Variants in TBC1D32 observed in about 807,000 individuals in gnomAD.
TBC1D32 encodes the protein protein broad-minded.
TBC1D32 carries 151 observed loss-of-function variants against 170.3 expected under a neutral mutation model. The observed-to-expected ratio is 0.89, with a 90% CI of 0.78 to 1.01. The LOEUF is 1.01. TBC1D32 is among the 50% of genes least tolerant of loss of function. TBC1D32 has a pLI of 0.00. For synonymous variants in TBC1D32, 498 were observed against 488.0 expected, an observed-to-expected ratio of 1.02 and a Z score of -0.27; for missense variants, 1,464 against 1,457.1, an observed-to-expected ratio of 1.00 and a Z score of -0.08.
At chr6:121,144,721 A>C (rs553631017) in intron 24 of TBC1D32, among the ~76,000 whole-genome samples, 2 of 152,140 alleles carry the variant, frequency 1.3e-5, no homozygotes, top group Admixed American at 6.5e-5. Flanking sequence ...AGAGATATAA[A>C]TCTGAGAGCC....
rs758477548 is a variant in TBC1D32 at position 121,080,773 on chromosome 6, A to C, written c.3772T>G (p.Ter1258GluextTer7). The change falls in exon 32 of 32, where the codon TAG becomes GAG. Residue 1258 changes from the stop codon to glutamate, a stop_lost. Transcript: ENST00000398212. Reference protein sequence around the residue: ...DMRNIRLQST* With the variant: ...DMRNIRLQSTE Reference sequence around the variant, plus strand: ...ATTTAAACCGTGTGTCTCATGATCTATGTGCTCTGCAGTCTAATGTTCCGC... The same window carrying C: ...ATTTAAACCGTGTGTCTCATGATCTCTGTGCTCTGCAGTCTAATGTTCCGC... 6.2e-7 allele frequency: 1 copy of C among 1,610,962 alleles called. No individual in the cohort carries two copies.
At chr6:121,090,821 C>T in intron 31 of TBC1D32, 32 bp downstream of exon 31, 1 of 1,580,790 alleles carries the variant, frequency 6.3e-7, no homozygotes, top group Non-Finnish European at 8.6e-7. Flanking sequence ...GCTATTAACT[C>T]AACATTTTCC....
intron 29 of TBC1D32, among the ~76,000 whole-genome samples, chr6:121,111,498 G>T (rs1011983914): frequency 6.6e-6 from 1 of 152,112 alleles, no homozygotes; most frequent in Non-Finnish European, 1.5e-5. Context: ...CAGTTTAAAG[G>T]AATAGAATTA....
chr6:121,112,993 T>C, intron 28 of TBC1D32, 69 bp downstream of exon 28: 1 of 1,139,230 alleles, frequency 8.8e-7, no homozygotes, highest in Non-Finnish European at 1.3e-6. Context: ...TGTCAAGGTA[T>C]ATCATCAAAG....
intron 3 of TBC1D32, among the ~76,000 whole-genome samples, chr6:121,317,259 A>G (rs539981435): frequency 1.7e-3 from 260 of 152,248 alleles, no homozygotes; most frequent in African/African-American, 5.9e-3. Flanking sequence ...ATTCTAACAT[A>G]CATTAATTTT....
chr6:121,286,313 A>C (rs1373575385), intron 12 of TBC1D32, among the ~76,000 whole-genome samples: 1 of 152,216 alleles, frequency 6.6e-6, no homozygotes, highest in Non-Finnish European at 1.5e-5. Context: ...GGAGCTGAAA[A>C]CCAATGCACG....
chr6:121,111,978 T>C (rs1233090343), intron 29 of TBC1D32, among the ~76,000 whole-genome samples: 4 of 152,152 alleles, frequency 2.6e-5, no homozygotes, highest in African/African-American at 7.2e-5. Flanking sequence ...TATAAATTGA[T>C]TGAAGGATAT....
At chr6:121,161,321 G>A (rs916219929) in intron 22 of TBC1D32, among the ~76,000 whole-genome samples, 1 of 152,100 alleles carries the variant, frequency 6.6e-6, no homozygotes, top group African/African-American at 2.4e-5. Flanking sequence ...CAGCATCCAT[G>A]AGCTATTCTT....
rs1297252130 is a variant in TBC1D32, at chr6:121,105,883, C to G, written c.3465+140G>C. On this transcript the variant is annotated intron_variant, in intron 30 of 31. Coordinates refer to ENST00000398212, the MANE Select transcript of TBC1D32 (RefSeq NM_152730.6). ...TAAAGCAAACTTACATCATAACAGG[C>G]CTGGGGAGAAAAGCTAGCTTGAGGA... The G allele has an allele frequency of 6.4e-6, 6 of 940,844 alleles. No individual in the cohort carries two copies. In the East Asian group the frequency reaches 1.6e-4, roughly 25 times the overall value. 58.3% of individuals were successfully genotyped at this position (940,844 alleles called of 1,614,324 possible).
intron 9 of TBC1D32, among the ~76,000 whole-genome samples, chr6:121,302,275 G>A (rs1050705614): frequency 6.6e-6 from 1 of 152,064 alleles, no homozygotes; most frequent in Non-Finnish European, 1.5e-5. Context: ...CAACAATTGG[G>A]ATGAATAGCT....
chr6:121,334,371 G>C lies in TBC1D32; in HGVS notation c.60C>G (p.Phe20Leu). Residue 20 changes from phenylalanine (F) to leucine (L), a missense_variant, in exon 1 of 32, where the codon TTC becomes TTG. By Grantham distance (22) the Phe-to-Leu change is conservative. Around this residue, in one of 3 missense-constraint regions of TBC1D32, gnomAD observed 1,363 missense variants for 1,338.1 expected, o/e 1.02. Coordinates refer to ENST00000398212, the MANE Select transcript of TBC1D32 (RefSeq NM_152730.6). The stretch of plus-strand genomic sequence containing the variant: ...CCGTGATTTTCTCCTTCACGCTCTG[G>C]AACAACCGCCTCAGCATCGCCTGCA... ...AMLQAMLRRL[F>L]QSVKEKITGA... 4 of 1,614,186 alleles carry C rather than the reference G, an allele frequency of 2.5e-6. No homozygotes were observed. The highest frequency in any genetic ancestry group is 2.2e-5 in the South Asian group (2 of 91,080).
Position 121,080,567 on chromosome 6 carries a change from A to G in TBC1D32, c.*204T>C. ...CTAAAAGTAAGCTAGATCTGATTCT[A>G]TAATAACCTTACAAAACAACAAATT... is the stretch of plus-strand genomic sequence containing the variant. On this transcript the variant is annotated 3_prime_UTR_variant, in exon 32 of 32. Coordinates refer to ENST00000398212, the MANE Select transcript of TBC1D32 (RefSeq NM_152730.6). 1.6e-6 allele frequency: 1 copy of G among 611,602 alleles called. No homozygotes were observed. The highest frequency in any genetic ancestry group is 2.6e-6 in the Non-Finnish European group (1 of 388,670). 37.9% of individuals were successfully genotyped at this position (611,602 alleles called of 1,614,324 possible).
chr6:121,289,551 A>G (rs1159417398), intron 12 of TBC1D32, among the ~76,000 whole-genome samples: 2 of 152,240 alleles, frequency 1.3e-5, no homozygotes, highest in East Asian at 1.9e-4. Context: ...AAGAATCAAT[A>G]TCGTGACAAT....
At chr6:121,294,890 A>T (rs1429576484) in intron 10 of TBC1D32, among the ~76,000 whole-genome samples, 1 of 152,192 alleles carries the variant, frequency 6.6e-6, no homozygotes, top group Admixed American at 6.5e-5. Context: ...TGATAATGTT[A>T]TAATGTTGGT....
At chr6:121,265,868 C>T (rs1337371554) in intron 15 of TBC1D32, among the ~76,000 whole-genome samples, 1 of 152,070 alleles carries the variant, frequency 6.6e-6, no homozygotes, top group African/African-American at 2.4e-5. Context: ...ACTGGCTAAT[C>T]ATATGCAGAA....
chr6:121,082,032 G>T lies in TBC1D32; in HGVS notation c.3655-1142C>A, dbSNP rs575519941. On this transcript the variant is annotated intron_variant, in intron 31 of 31. Transcript: ENST00000398212. ...AAGGCTAGAACAAATACCTTCCAAT[G>T]TAAGTATCTGAGCTCTAATCTCAAG... 8.5e-5 allele frequency among the ~76,000 whole-genome samples: 13 copies of T among 152,144 alleles called. No individual in the cohort carries two copies. In the South Asian group the frequency reaches 1.2e-3, roughly 15 times the overall value.
intron 26 of TBC1D32, among the ~76,000 whole-genome samples, chr6:121,116,434 T>C (rs544749886): frequency 6.6e-6 from 1 of 152,276 alleles, no homozygotes; most frequent in Non-Finnish European, 1.5e-5. Context: ...AGATAAAGTG[T>C]TACATGAATT....
intron 11 of TBC1D32, among the ~76,000 whole-genome samples, chr6:121,292,957 C>T (rs1241729706): frequency 6.6e-6 from 1 of 152,042 alleles, no homozygotes; most frequent in African/African-American, 2.4e-5. Context: ...TCCAAAGCAA[C>T]AGAGAGAGAG....
chr6:121,282,193 T>C (rs948105272), intron 13 of TBC1D32, among the ~76,000 whole-genome samples: 7 of 151,770 alleles, frequency 4.6e-5, no homozygotes, highest in African/African-American at 1.7e-4. Flanking sequence ...CTTCTTGTAT[T>C]ACCATAAAGC....
Sources: gnomAD v4.1 joint callset for allele counts (sites outside exome capture counted in the v4.1 genomes callset) on GRCh38, gnomAD v4.1.1 for gene constraint, gnomAD v4.1.1 regional missense constraint, MANE v1.5 for transcripts, NCBI Gene and HGNC (gene_info 2026-07-23, HGNC 2026-07-21) for gene names.